Variants in PRKN observed in about 807,000 individuals in gnomAD.
PRKN encodes parkin RBR E3 ubiquitin protein ligase.
Under a neutral mutation model 59.5 loss-of-function variants are expected in PRKN, and 56 were observed. That is an observed-to-expected ratio of 0.94 (90% confidence interval 0.76 to 1.18). PRKN has a LOEUF of 1.18. Ranked by LOEUF, PRKN falls within the 50% of genes most tolerant of loss-of-function variation. The probability of loss-of-function intolerance (pLI) is 0.00; values close to 1 mark genes in which losing one functional copy is unlikely to be tolerated. For missense variants in PRKN, 657 were observed against 596.4 expected (o/e 1.10, Z -1.06); for synonymous variants, 250 against 222.1 (o/e 1.13, Z -1.12).
At chr6:162,009,239 C>A (rs962974063) in intron 5 of PRKN, among the ~76,000 whole-genome samples, 1 of 151,672 alleles carries the variant, frequency 6.6e-6, no homozygotes, top group African/African-American at 2.4e-5. Context: ...GGTGACAGAG[C>A]AAGACTCTGT....
chr6:161,973,197 G>C (rs914130768), intron 6 of PRKN, 105 bp downstream of exon 6: 2 of 781,906 alleles, frequency 2.6e-6, no homozygotes, highest in African/African-American at 1.7e-5. Context: ...AGGAAGGCTC[G>C]TGTGGCAGAA....
At chr6:162,642,451 C>T (rs1280458460) in intron 1 of PRKN, among the ~76,000 whole-genome samples, 2 of 152,052 alleles carry the variant, frequency 1.3e-5, no homozygotes, top group East Asian at 3.9e-4. Flanking sequence ...TTTGAAGTTA[C>T]TCTGGGCCTT....
At chr6:162,432,898 C>T (rs1170428789) in intron 2 of PRKN, among the ~76,000 whole-genome samples, 1 of 152,126 alleles carries the variant, frequency 6.6e-6, no homozygotes, top group Non-Finnish European at 1.5e-5. Flanking sequence ...ATTTCACATA[C>T]AGATACATTC....
rs537503120 is a variant in PRKN, at chr6:162,406,839, T to C, written c.171+36471A>G. On this transcript the variant is annotated intron_variant, in intron 2 of 11. Transcript: ENST00000366898. ...GAAGCTTTTCAGAATACAGATAACA[T>C]CCTCACTCTCCTGCCTCCCTCCCCA... 6.8e-4 allele frequency among the ~76,000 whole-genome samples: 104 copies of C among 152,092 alleles called. 3 individuals are homozygous for C. In the South Asian group the frequency reaches 0.02, roughly 29 times the overall value.
chr6:161,821,304 A>G lies in PRKN; in HGVS notation c.735-35396T>C, dbSNP rs148724503. Among the ~76,000 whole-genome samples, 371 of 152,304 alleles carry G rather than the reference A, an allele frequency of 2.4e-3. 1 individual carries two copies. Among genetic ancestry groups the G allele is most frequent in the Non-Finnish European group, 4.2e-3 (283 of 68,012 alleles). On this transcript the variant is annotated intron_variant, in intron 6 of 11. Coordinates refer to ENST00000366898, the MANE Select transcript of PRKN (RefSeq NM_004562.3). ...AGGCAGAATTAAATCTTTTTAAAAT[A>G]TAGGCAGAATTATCCTGTGCATATC...
chr6:162,631,106 C>A (rs1242352798), intron 1 of PRKN, among the ~76,000 whole-genome samples: 2 of 152,098 alleles, frequency 1.3e-5, no homozygotes, highest in African/African-American at 4.8e-5. Flanking sequence ...ACTAATGGAG[C>A]TGCCACAGTA....
intron 4 of PRKN, among the ~76,000 whole-genome samples, chr6:162,069,385 C>T (rs1459130747): frequency 6.6e-6 from 1 of 152,056 alleles, no homozygotes; most frequent in Non-Finnish European, 1.5e-5. Flanking sequence ...CTTTTTGTTC[C>T]CAGACTCAGG....
At chr6:162,527,948 G>A (rs540567173) in intron 1 of PRKN, among the ~76,000 whole-genome samples, 1 of 151,782 alleles carries the variant, frequency 6.6e-6, no homozygotes, top group Non-Finnish European at 1.5e-5. Flanking sequence ...CAATCTCAGA[G>A]GCATGGCCCA....
intron 1 of PRKN, among the ~76,000 whole-genome samples, chr6:162,662,676 G>T (rs1197357488): frequency 6.6e-6 from 1 of 152,224 alleles, no homozygotes; most frequent in South Asian, 2.1e-4. Flanking sequence ...TTATTGAATA[G>T]GGTGTCCTTT....
chr6:162,693,742 T>C (rs1004311634), intron 1 of PRKN, among the ~76,000 whole-genome samples: 5 of 152,222 alleles, frequency 3.3e-5, no homozygotes, highest in South Asian at 2.1e-4. Context: ...AAAAGTTCAA[T>C]TGAAGCCTCT....
intron 2 of PRKN, chr6:162,275,525 C>T (rs1780597730): frequency 6.6e-6 from 1 of 152,150 alleles, no homozygotes; most frequent in Non-Finnish European, 1.5e-5. Flanking sequence ...AGGCTCATGC[C>T]TGTAATCCCA....
At chr6:162,421,136 T>C (rs1788939482) in intron 2 of PRKN, among the ~76,000 whole-genome samples, 2 of 152,180 alleles carry the variant, frequency 1.3e-5, no homozygotes, top group Non-Finnish European at 1.5e-5. Context: ...CAGGTAATCA[T>C]TAATAATTGA....
chr6:162,502,040 A>G (rs542866874), intron 1 of PRKN, among the ~76,000 whole-genome samples: 4 of 152,300 alleles, frequency 2.6e-5, no homozygotes, highest in Admixed American at 2.6e-4. Flanking sequence ...GGTGGGCAAA[A>G]TGCACCATTT....
intron 1 of PRKN, among the ~76,000 whole-genome samples, chr6:162,650,069 A>C (rs2128226321): frequency 6.6e-6 from 1 of 152,338 alleles, no homozygotes; most frequent in South Asian, 2.1e-4. Flanking sequence ...ATCACTGTTA[A>C]GATTGCTAAA....
rs78967265 is a variant in PRKN at position 162,028,783 on chromosome 6, G to A, written c.618+25308C>T. 2.8e-3 allele frequency among the ~76,000 whole-genome samples: 422 copies of A among 152,300 alleles called. 6 individuals are homozygous for A. Among genetic ancestry groups the A allele is most frequent in the African/African-American group, 9.7e-3 (402 of 41,570 alleles). On this transcript the variant is annotated intron_variant, in intron 5 of 11. Coordinates refer to ENST00000366898, the MANE Select transcript of PRKN (RefSeq NM_004562.3). The stretch of plus-strand genomic sequence containing the variant: ...ATTGGTGTTTTCACATGGGGGACCC[G>A]TAGCAAAGCCAAGAGGGTGGCGTTT...
chr6:162,024,861 T>A (rs945065542), intron 5 of PRKN, among the ~76,000 whole-genome samples: 2 of 152,212 alleles, frequency 1.3e-5, no homozygotes, highest in African/African-American at 4.8e-5. Flanking sequence ...TGTAAGCATC[T>A]CAAAAATAAG....
rs902539820 is a variant in PRKN, at chr6:161,633,246, C to T, written c.872-63830G>A. Among the ~76,000 whole-genome samples the T allele has an allele frequency of 2.0e-5, 3 of 152,106 alleles. No individual in the cohort carries two copies. The East Asian group carries it at 5.8e-4, about 29-fold the overall frequency. The stretch of plus-strand genomic sequence containing the variant: ...GTTGGTTTTCTTTGTTTTCTGATTG[C>T]CAAATAAATTTCTCTGCTGAATACA... On this transcript the variant is annotated intron_variant, in intron 7 of 11. Transcript: ENST00000366898.
intron 6 of PRKN, among the ~76,000 whole-genome samples, chr6:161,938,503 T>A (rs1029620703): frequency 3.9e-5 from 6 of 152,222 alleles, no homozygotes; most frequent in African/African-American, 1.4e-4. Context: ...TATAGTAAAT[T>A]AACAGTCCTA....
At chr6:162,585,043 G>C (rs1003620765) in intron 1 of PRKN, among the ~76,000 whole-genome samples, 9 of 150,730 alleles carry the variant, frequency 6.0e-5, no homozygotes, top group African/African-American at 2.0e-4. Flanking sequence ...TGAGATTACA[G>C]GTGCCTGCCA....
Sources: gnomAD v4.1 joint callset for allele counts (sites outside exome capture counted in the v4.1 genomes callset) on GRCh38, gnomAD v4.1.1 for gene constraint, MANE v1.5 for transcripts, NCBI Gene and HGNC (gene_info 2026-07-23, HGNC 2026-07-21) for gene names.